QKI: variants seen among roughly 807,000 people sequenced by gnomAD.
QKI encodes KH domain-containing RNA-binding protein QKI.
A neutral mutation model predicts 39.0 loss-of-function variants in QKI; 10 were observed. The ratio of observed to expected loss-of-function variants is 0.26; its 90% CI spans 0.16 to 0.43. QKI has a LOEUF of 0.43. QKI is among the 20% of genes least tolerant of loss of function. The pLI is 1.00. For missense variants in QKI, 218 were observed against 428.0 expected, an observed-to-expected ratio of 0.51 and a Z score of 4.33; for synonymous variants, 204 against 155.4, an observed-to-expected ratio of 1.31 and a Z score of -2.33.
intron 3 of QKI, among the ~76,000 whole-genome samples, chr6:163,511,510 A>G (rs1779476370): frequency 6.6e-6 from 1 of 152,078 alleles, no homozygotes; most frequent in Non-Finnish European, 1.5e-5. Context: ...TTAATAAAAT[A>G]GGAGACATCA....
At chr6:163,525,503 C>T (rs113297093) in intron 3 of QKI, among the ~76,000 whole-genome samples, 25 of 152,086 alleles carry the variant, frequency 1.6e-4, no homozygotes, top group African/African-American at 3.6e-4. Flanking sequence ...GGATTACAGG[C>T]GCCTGCCACC....
intron 3 of QKI, among the ~76,000 whole-genome samples, chr6:163,523,329 C>G (rs533385422): frequency 6.6e-6 from 1 of 152,106 alleles, no homozygotes; most frequent in Admixed American, 6.6e-5. Flanking sequence ...CGAGAAAGCA[C>G]CATATGGCTT....
chr6:163,486,266 A>C (rs1411150041), intron 3 of QKI, among the ~76,000 whole-genome samples: 1 of 152,252 alleles, frequency 6.6e-6, no homozygotes, highest in East Asian at 1.9e-4. Context: ...CATTCTTGTC[A>C]GAATGTGGGC....
chr6:163,551,849 T>A (rs746479836), intron 4 of QKI, among the ~76,000 whole-genome samples: 11 of 152,314 alleles, frequency 7.2e-5, no homozygotes, highest in Non-Finnish European at 1.6e-4. Flanking sequence ...TAATCACATA[T>A]CTTCATGGGT....
At chr6:163,543,938 T>G (rs138605492) in intron 4 of QKI, among the ~76,000 whole-genome samples, 1 of 152,270 alleles carries the variant, frequency 6.6e-6, no homozygotes, top group East Asian at 1.9e-4. Flanking sequence ...TTAACAAACG[T>G]TAACCAGATA....
intron 1 of QKI, among the ~76,000 whole-genome samples, chr6:163,431,141 G>A (rs1788796125): frequency 6.6e-6 from 1 of 151,982 alleles, no homozygotes; most frequent in Admixed American, 6.6e-5. Context: ...TCTTAATTTT[G>A]AATGAGAGTG....
chr6:163,494,795 C>T lies in QKI; in HGVS notation c.402+15899C>T, dbSNP rs1175727103. ...TTTAGGATTCCTAACAGCAAGAAGA[C>T]TGTGTGTGATGTGCCTTATGGAGAA... On this transcript the variant is annotated intron_variant, in intron 3 of 7. Transcript: ENST00000361752. 2.0e-5 allele frequency among the ~76,000 whole-genome samples: 3 copies of T among 152,106 alleles called. No individual in the cohort carries two copies. In the East Asian group the frequency reaches 5.8e-4, roughly 29 times the overall value.
At chr6:163,445,558 A>G (rs532034935) in intron 1 of QKI, among the ~76,000 whole-genome samples, 1 of 151,940 alleles carries the variant, frequency 6.6e-6, no homozygotes, top group Non-Finnish European at 1.5e-5. Flanking sequence ...TTGGCAAAAC[A>G]ATCACACACA....
intron 3 of QKI, among the ~76,000 whole-genome samples, chr6:163,520,242 T>C (rs2128237402): frequency 6.6e-6 from 1 of 152,306 alleles, no homozygotes; most frequent in South Asian, 2.1e-4. Context: ...ACTGTTTTCT[T>C]GGCTGATGTA....
intron 3 of QKI, among the ~76,000 whole-genome samples, chr6:163,526,465 A>G (rs946449102): frequency 1.3e-5 from 2 of 152,212 alleles, no homozygotes; most frequent in South Asian, 4.1e-4. Context: ...CTGTGAGGAA[A>G]TATTTTGTGC....
chr6:163,424,011 A>G (rs1025291635), intron 1 of QKI, among the ~76,000 whole-genome samples: 1 of 152,208 alleles, frequency 6.6e-6, no homozygotes, highest in Admixed American at 6.5e-5. Flanking sequence ...AATTGAATGG[A>G]AACGGTGCTG....
chr6:163,415,216 A>T lies in QKI; in HGVS notation c.23A>T (p.Lys8Met). 6.3e-7 allele frequency: 1 copy of T among 1,588,888 alleles called. No homozygotes were observed. The highest frequency in any genetic ancestry group is 2.3e-5 in the East Asian group (1 of 43,478). Residue 8 changes from lysine (K) to methionine (M), a missense_variant, in exon 1 of 8, where the codon AAG (lysine) becomes ATG (methionine). Transcript: ENST00000361752. ...AATATGGTCGGGGAAATGGAAACGAAGGAGAAGCCGAAGCCCACCCCAGAT... is the reference window on the plus strand; with the variant it reads ...AATATGGTCGGGGAAATGGAAACGATGGAGAAGCCGAAGCCCACCCCAGAT... The part of the protein sequence containing the change: MVGEMET[K>M]EKPKPTPDYL...
chr6:163,570,867 CAAAG>C lies in QKI; in HGVS notation c.*161_*164del, dbSNP rs978232438. The C allele has an allele frequency of 2.9e-5, 21 of 736,310 alleles. No individual in the cohort carries two copies. Among genetic ancestry groups the C allele is most frequent in the African/African-American group, 5.6e-5 (3 of 53,364 alleles). The allele number at this position is 736,310 out of a possible 1,614,324, so 45.6% of individuals were successfully genotyped here. A position where few individuals can be genotyped will look rare whatever the true frequency, so the allele number is the denominator to read the frequency against. ...TCTTACCATCTAACCAAACAAAAGA[CAAAG>C]AAATTGTTGTCCTCCAACTCAGCTT... is the stretch of plus-strand genomic sequence containing the variant. On this transcript the variant is annotated 3_prime_UTR_variant, in exon 8 of 8. Transcript: ENST00000361752.
intron 3 of QKI, among the ~76,000 whole-genome samples, chr6:163,494,654 T>C (rs144612274): frequency 3.3e-4 from 30 of 89,796 alleles, no homozygotes; most frequent in African/African-American, 1.2e-3. Flanking sequence ...GTTTTGGGTT[T>C]TTTTTTTGTT....
intron 4 of QKI, among the ~76,000 whole-genome samples, chr6:163,544,517 A>G (rs1781747474): frequency 1.3e-5 from 2 of 152,016 alleles, no homozygotes; most frequent in Admixed American, 6.6e-5. Flanking sequence ...GTCTAAGGTG[A>G]TGAACATCAC....
intron 1 of QKI, among the ~76,000 whole-genome samples, chr6:163,424,436 G>T (rs1788250248): frequency 6.6e-6 from 1 of 152,158 alleles, no homozygotes; most frequent in African/African-American, 2.4e-5. Flanking sequence ...TTGTACTATA[G>T]ACCTGGGATC....
chr6:163,427,285 ATGT>A (rs1380394665), intron 1 of QKI, among the ~76,000 whole-genome samples: 3 of 134,192 alleles, frequency 2.2e-5, no homozygotes, highest in Admixed American at 8.2e-5. Context: ...AGCTAAACTA[ATGT>A]TGTTCTTGAT....
intron 7 of QKI, chr6:163,567,835 T>C (rs1783458690): frequency 1.0e-6 from 1 of 984,944 alleles, no homozygotes; most frequent in South Asian, 4.7e-5. Flanking sequence ...TGTACTTCAA[T>C]TGTACATCTT....
At chr6:163,513,676 C>T (rs1177852986) in intron 3 of QKI, among the ~76,000 whole-genome samples, 2 of 152,056 alleles carry the variant, frequency 1.3e-5, no homozygotes, top group East Asian at 3.9e-4. Context: ...TACTATTCTC[C>T]TCTAGAATTT....
Sources: gnomAD v4.1 joint callset for allele counts (sites outside exome capture counted in the v4.1 genomes callset) on GRCh38, gnomAD v4.1.1 for gene constraint, MANE v1.5 for transcripts, NCBI Gene and HGNC (gene_info 2026-07-23, HGNC 2026-07-21) for gene names.